The following CCDC3 variants were observed in gnomAD, a reference collection of about 807,000 sequenced individuals.
CCDC3 encodes the protein coiled-coil domain containing 3.
CCDC3 carries 24 observed loss-of-function variants against 21.4 expected under a neutral mutation model. The observed-to-expected ratio is 1.12, with a 90% CI of 0.81 to 1.58. CCDC3 has a LOEUF of 1.58. CCDC3 is among the 40% of genes most tolerant of loss of function. The pLI, the probability that CCDC3 is intolerant of heterozygous loss-of-function variation, is 0.00. For synonymous variants in CCDC3, 186 were observed against 166.0 expected, an observed-to-expected ratio of 1.12 and a Z score of -0.93; for missense variants, 425 against 360.9, an observed-to-expected ratio of 1.18 and a Z score of -1.44.
intron 2 of CCDC3, among the ~76,000 whole-genome samples, chr10:12,994,569 G>A (rs561642790): frequency 2.7e-4 from 41 of 152,016 alleles, no homozygotes; most frequent in Admixed American, 6.6e-4. Context: ...TAGAATATGC[G>A]GAGTGTTAGC....
chr10:12,931,025 A>G (rs998758344), intron 2 of CCDC3, among the ~76,000 whole-genome samples: 5 of 152,048 alleles, frequency 3.3e-5, no homozygotes, highest in African/African-American at 1.2e-4. Context: ...AGCCTGGCCA[A>G]CATGGCGAAA....
At chr10:12,996,822 C>G (rs188250670) in intron 2 of CCDC3, among the ~76,000 whole-genome samples, 1 of 152,030 alleles carries the variant, frequency 6.6e-6, no homozygotes, top group African/African-American at 2.4e-5. Context: ...AGCAAATGAA[C>G]GCAGGAACAG....
chr10:13,031,414 C>T (rs1001613159), intron 5 of CCDC3, among the ~76,000 whole-genome samples: 86 of 151,854 alleles, frequency 5.7e-4, no homozygotes, highest in African/African-American at 2.0e-3. Flanking sequence ...AAATTGACAC[C>T]CTAACATCAC....
At chr10:12,975,888 G>A (rs1329525928) in intron 2 of CCDC3, among the ~76,000 whole-genome samples, 1 of 152,190 alleles carries the variant, frequency 6.6e-6, no homozygotes, top group African/African-American at 2.4e-5. Flanking sequence ...AATGAGCCAG[G>A]CTGCAAATTC....
chr10:12,991,389 C>G (rs1427968179), intron 2 of CCDC3, among the ~76,000 whole-genome samples: 2 of 151,964 alleles, frequency 1.3e-5, no homozygotes, highest in Non-Finnish European at 2.9e-5. Flanking sequence ...GGCATGATCT[C>G]AGATCACTGC....
At chr10:12,958,874 G>A (rs1224453060) in intron 2 of CCDC3, among the ~76,000 whole-genome samples, 1 of 152,134 alleles carries the variant, frequency 6.6e-6, no homozygotes, top group Non-Finnish European at 1.5e-5. Flanking sequence ...CCTGGCTTAG[G>A]TCCCCACCTG....
At chr10:12,904,210 T>A (rs554164527) in intron 2 of CCDC3, among the ~76,000 whole-genome samples, 1 of 152,106 alleles carries the variant, frequency 6.6e-6, no homozygotes, top group Non-Finnish European at 1.5e-5. Context: ...CTCTCGCCTG[T>A]AATCCCAGCA....
chr10:12,898,683 G>T lies in CCDC3; in HGVS notation c.550-4C>A. On this transcript the variant is annotated splice_polypyrimidine_tract_variant and splice_region_variant and intron_variant, in intron 2 of 2. Coordinates refer to ENST00000378825, the MANE Select transcript of CCDC3 (RefSeq NM_031455.4). ...TCTGCACCGAGGAGCACATGAGCTG[G>T]AGGCAGAGACAGCGTGCAAGGAGAG... 1.9e-6 allele frequency: 3 copies of T among 1,613,912 alleles called. No individual in the cohort carries two copies. Among genetic ancestry groups the T allele is most frequent in the Non-Finnish European group, 1.7e-6 (2 of 1,179,818 alleles).
At chr10:13,017,238 C>G (rs1167524083) in intron 5 of CCDC3, among the ~76,000 whole-genome samples, 1 of 151,886 alleles carries the variant, frequency 6.6e-6, no homozygotes, top group Non-Finnish European at 1.5e-5. Flanking sequence ...GTTTTATGGC[C>G]AGGCACGGTG....
In CCDC3 at chr10:13,001,340, G is replaced by C; in HGVS notation, c.231C>G (p.Ala77=). The change falls in exon 1 of 3, where the codon GCC becomes GCG. Residue 77 remains alanine, a synonymous_variant. Coordinates refer to ENST00000378825, the MANE Select transcript of CCDC3 (RefSeq NM_031455.4). ...CCTGGTCGCACAGCATCTCGACCTCGGCCGAGTAGAAGAGGCCCCCCTGGC... is the reference window on the plus strand; with the variant it reads ...CCTGGTCGCACAGCATCTCGACCTCCGCCGAGTAGAAGAGGCCCCCCTGGC... ...HAGQGGLFYS[A]EVEMLCDQAW... 6.2e-7 allele frequency: 1 copy of C among 1,604,048 alleles called. No homozygotes were observed. Among genetic ancestry groups the C allele is most frequent in the Admixed American group, 1.7e-5 (1 of 58,860 alleles).
intron 4 of CCDC3, among the ~76,000 whole-genome samples, chr10:13,064,203 C>T (rs1016587327): frequency 1.3e-5 from 2 of 152,138 alleles, no homozygotes; most frequent in African/African-American, 4.8e-5. Context: ...GGATTACAGG[C>T]GTGAGCCACT....
At chr10:12,905,914 G>T (rs1380761412) in intron 2 of CCDC3, among the ~76,000 whole-genome samples, 1 of 152,224 alleles carries the variant, frequency 6.6e-6, no homozygotes, top group South Asian at 2.1e-4. Flanking sequence ...GTAGAGGGCA[G>T]AGGCCAAGAT....
chr10:12,942,424 T>C (rs1564292602), intron 2 of CCDC3, among the ~76,000 whole-genome samples: 2 of 152,194 alleles, frequency 1.3e-5, no homozygotes, highest in South Asian at 2.1e-4. Flanking sequence ...TCATTTCTTT[T>C]CTAAGAAAGA....
rs980971735 is a variant in CCDC3, at chr10:12,973,284, C to T, written c.549+25054G>A. 9.2e-5 allele frequency among the ~76,000 whole-genome samples: 14 copies of T among 152,240 alleles called. No homozygotes were observed. In the South Asian group the frequency reaches 2.3e-3, roughly 25 times the overall value. Reference sequence around the variant, plus strand: ...TCACAGCATGGTGCAGGGCCCTGCACCCAGCCACGTGTCCCAGGTCCTGGG... The same window carrying T: ...TCACAGCATGGTGCAGGGCCCTGCATCCAGCCACGTGTCCCAGGTCCTGGG... On this transcript the variant is annotated intron_variant, in intron 2 of 2. Transcript: ENST00000378825.
At chr10:12,995,226 T>C (rs1226933581) in intron 2 of CCDC3, among the ~76,000 whole-genome samples, 1 of 152,206 alleles carries the variant, frequency 6.6e-6, no homozygotes, top group African/African-American at 2.4e-5. Context: ...AGTTTTAAAC[T>C]AATGGGCTAA....
intron 2 of CCDC3, among the ~76,000 whole-genome samples, chr10:12,956,032 A>G (rs1835078626): frequency 6.6e-6 from 1 of 151,502 alleles, no homozygotes. Context: ...AAGAGATAAG[A>G]TCTCACTATG....
chr10:13,024,700 T>C (rs567958569), intron 5 of CCDC3, among the ~76,000 whole-genome samples: 47 of 152,232 alleles, frequency 3.1e-4, no homozygotes, highest in Non-Finnish European at 6.2e-4. Flanking sequence ...GTACCTTCTG[T>C]TCTCCGTCAT....
At chr10:13,015,206 T>C (rs1302666912) in intron 5 of CCDC3, among the ~76,000 whole-genome samples, 1 of 152,118 alleles carries the variant, frequency 6.6e-6, no homozygotes, top group Non-Finnish European at 1.5e-5. Flanking sequence ...TGTATTTGCC[T>C]GATGTAGTTA....
At chr10:12,973,594 G>C (rs1835374084) in intron 2 of CCDC3, among the ~76,000 whole-genome samples, 1 of 152,230 alleles carries the variant, frequency 6.6e-6, no homozygotes, top group Non-Finnish European at 1.5e-5. Context: ...TGGGTTCCCA[G>C]CACAACCCTG....
Sources: allele counts gnomAD v4.1 joint callset (sites outside exome capture counted in the v4.1 genomes callset), GRCh38; gene constraint gnomAD v4.1.1; transcripts MANE v1.5; gene names NCBI Gene and HGNC (gene_info 2026-07-23, HGNC 2026-07-21).